The following MAGI1 variants were observed in gnomAD, a reference collection of about 807,000 sequenced individuals.
The protein encoded by MAGI1 is membrane-associated guanylate kinase, WW and PDZ domain-containing protein 1.
Under a neutral mutation model 139.9 loss-of-function variants are expected in MAGI1, and 58 were observed. The ratio of observed to expected loss-of-function variants is 0.41; its 90% CI spans 0.34 to 0.52. The LOEUF (loss-of-function observed/expected upper bound fraction) is 0.52, where lower values mean the gene tolerates loss of function less well. Among genes scored for constraint, MAGI1 ranks in the 20% least tolerant of loss-of-function variants. The pLI, the probability that MAGI1 is intolerant of heterozygous loss-of-function variation, is 0.12. For missense variants in MAGI1, 1,874 were observed against 1,901.6 expected (o/e 0.99, Z 0.27); for synonymous variants, 812 against 737.9 (o/e 1.10, Z -1.63).
intron 12 of MAGI1, among the ~76,000 whole-genome samples, chr3:65,404,578 G>C (rs1343585506): frequency 6.6e-6 from 1 of 152,102 alleles, no homozygotes; most frequent in African/African-American, 2.4e-5. Flanking sequence ...TTTAAAAAAA[G>C]AACTCAAAGA....
At chr3:65,394,996 G>A (rs758631852) in intron 13 of MAGI1, among the ~76,000 whole-genome samples, 1 of 152,104 alleles carries the variant, frequency 6.6e-6, no homozygotes, top group Admixed American at 6.6e-5. Flanking sequence ...GTCTGTTAAC[G>A]AAACCCTGTG....
At chr3:65,684,310 C>A (rs1291050752) in intron 1 of MAGI1, among the ~76,000 whole-genome samples, 1 of 151,868 alleles carries the variant, frequency 6.6e-6, no homozygotes, top group Non-Finnish European at 1.5e-5. Flanking sequence ...GCATTCATAA[C>A]AGCTTTATGT....
At chr3:65,384,694 G>A (rs991752055) in intron 14 of MAGI1, among the ~76,000 whole-genome samples, 1 of 152,054 alleles carries the variant, frequency 6.6e-6, no homozygotes, top group African/African-American at 2.4e-5. Flanking sequence ...GATTGCCCCA[G>A]TGCACTCCAG....
At chr3:65,528,096 C>T (rs1337663665) in intron 2 of MAGI1, among the ~76,000 whole-genome samples, 1 of 151,952 alleles carries the variant, frequency 6.6e-6, no homozygotes, top group African/African-American at 2.4e-5. Context: ...CAAAAAATGG[C>T]TTTTTAATTT....
chr3:65,719,268 C>CAT (rs1335758702), intron 1 of MAGI1, among the ~76,000 whole-genome samples: 5 of 150,918 alleles, frequency 3.3e-5, no homozygotes, highest in East Asian at 1.9e-4. Flanking sequence ...TACACACATA[C>CAT]ATATATATAC....
intron 2 of MAGI1, among the ~76,000 whole-genome samples, chr3:65,498,696 G>C (rs2076968399): frequency 6.6e-6 from 1 of 152,174 alleles, no homozygotes; most frequent in East Asian, 1.9e-4. Context: ...TGTGACAGCA[G>C]CATCCCTCAT....
At chr3:65,841,062 G>A (rs190778442) in intron 1 of MAGI1, among the ~76,000 whole-genome samples, 46 of 152,254 alleles carry the variant, frequency 3.0e-4, no homozygotes, top group Admixed American at 1.1e-3. Context: ...ATTGATATGC[G>A]CAGAGTTGTT....
At chr3:65,532,830 G>C (rs185033719) in intron 2 of MAGI1, 4 of 152,370 alleles carry the variant, frequency 2.6e-5, no homozygotes, top group Admixed American at 1.3e-4. Flanking sequence ...TTTCTTTGCA[G>C]AGCAATTTTC....
intron 1 of MAGI1, among the ~76,000 whole-genome samples, chr3:65,962,120 GTAT>G (rs2064461413): frequency 7.5e-6 from 1 of 132,458 alleles, no homozygotes; most frequent in Non-Finnish European, 1.6e-5. Flanking sequence ...TAATCTGATT[GTAT>G]TTTTTTTTTT....
chr3:65,482,032 T>A (rs990848304), intron 3 of MAGI1, among the ~76,000 whole-genome samples: 1 of 152,194 alleles, frequency 6.6e-6, no homozygotes, highest in Admixed American at 6.5e-5. Flanking sequence ...GTAGAAGATA[T>A]AAACTGTCAA....
intron 1 of MAGI1, among the ~76,000 whole-genome samples, chr3:65,807,777 C>T (rs2040960291): frequency 6.6e-6 from 1 of 152,148 alleles, no homozygotes; most frequent in Non-Finnish European, 1.5e-5. Flanking sequence ...ATAACATGTG[C>T]TTTAAACACA....
At chr3:65,530,570 T>C (rs1011000230) in intron 2 of MAGI1, among the ~76,000 whole-genome samples, 3 of 149,166 alleles carry the variant, frequency 2.0e-5, no homozygotes, top group Non-Finnish European at 4.4e-5. Flanking sequence ...TGAGCCAAGA[T>C]TGCACACGAC....
Position 65,891,900 on chromosome 3 carries a change from A to ATG in MAGI1, c.313+146095_313+146096insCA, listed in dbSNP as rs1559983691. On this transcript the variant is annotated intron_variant, in intron 1 of 22. Coordinates refer to ENST00000402939, the MANE Select transcript of MAGI1 (RefSeq NM_001033057.2). ...CTTAAAGTATAATATATATATATAT[A>ATG]TATATATATATATATATATATATAT... is the stretch of plus-strand genomic sequence containing the variant. 7.6e-3 allele frequency among the ~76,000 whole-genome samples: 323 copies of ATG among 42,240 alleles called. 4 individuals are homozygous for ATG. The highest frequency in any genetic ancestry group is 0.012 in the Non-Finnish European group (282 of 22,892). 27.7% of individuals were successfully genotyped at this position (42,240 alleles called of 152,430 possible).
chr3:65,510,556 A>T (rs1454450269), intron 2 of MAGI1, among the ~76,000 whole-genome samples: 1 of 147,400 alleles, frequency 6.8e-6, no homozygotes, highest in Non-Finnish European at 1.5e-5. Flanking sequence ...GGGTATCAGC[A>T]ATGGAAGATG....
At chr3:65,949,904 C>T (rs2063715660) in intron 1 of MAGI1, among the ~76,000 whole-genome samples, 1 of 151,780 alleles carries the variant, frequency 6.6e-6, no homozygotes, top group Non-Finnish European at 1.5e-5. Flanking sequence ...CATAAATTAG[C>T]CGGGCAGAGT....
At position 65,429,744 on chromosome 3, in the gene MAGI1, T is replaced by A; in HGVS notation, c.1943A>T (p.Lys648Ile). 6.2e-7 allele frequency: 1 copy of A among 1,613,962 alleles called. No individual in the cohort carries two copies. The highest frequency in any genetic ancestry group is 8.5e-7 in the Non-Finnish European group (1 of 1,179,956). The change falls in exon 12 of 23, where the codon AAA (lysine) becomes ATA (isoleucine). Residue 648 changes from lysine to isoleucine, a missense_variant. Lys to Ile is a moderately radical substitution (Grantham distance 102). This residue lies in a region of MAGI1 where 482 missense variants were observed against 509.6 expected (regional missense o/e 0.95). Coordinates refer to ENST00000402939, the MANE Select transcript of MAGI1 (RefSeq NM_001033057.2). Reference protein sequence around the residue: ...QPELITVHIVKGPMGFGFTIA... With the variant: ...QPELITVHIVIGPMGFGFTIA... ...AGTAAAACCAAAGCCCATTGGCCCT[T>A]TGACAATATGAACAGTTATGAGTTC...
chr3:65,400,216 C>A (rs1017132926), intron 13 of MAGI1, among the ~76,000 whole-genome samples: 2 of 152,178 alleles, frequency 1.3e-5, no homozygotes, highest in African/African-American at 4.8e-5. Context: ...TTAACACACA[C>A]TGACAAGGAA....
chr3:65,627,632 C>T (rs778229404), intron 1 of MAGI1, among the ~76,000 whole-genome samples: 2 of 150,794 alleles, frequency 1.3e-5, no homozygotes, highest in Admixed American at 6.6e-5. Context: ...CTCAGCCTCC[C>T]GAGCAGCTGG....
At chr3:65,777,070 T>C (rs1377191411) in intron 1 of MAGI1, among the ~76,000 whole-genome samples, 1 of 152,178 alleles carries the variant, frequency 6.6e-6, no homozygotes, top group Non-Finnish European at 1.5e-5. Context: ...AGATGGACTG[T>C]AGGGTAAGTG....
Sources: allele counts gnomAD v4.1 joint callset (sites outside exome capture counted in the v4.1 genomes callset), GRCh38; gene constraint gnomAD v4.1.1; regional missense constraint gnomAD v4.1.1; transcripts MANE v1.5; gene names NCBI Gene and HGNC (gene_info 2026-07-23, HGNC 2026-07-21).